Variants in ST3GAL3 observed in about 807,000 individuals in gnomAD.
ST3GAL3 encodes the protein ST3 beta-galactoside alpha-2,3-sialyltransferase 3, also known as CMP-N-acetylneuraminate-beta-1,4-galactoside alpha-2,3-sialyltransferase.
ST3GAL3 carries 21 observed loss-of-function variants against 50.1 expected under a neutral mutation model. The ratio of observed to expected loss-of-function variants is 0.42; its 90% CI spans 0.30 to 0.60. The LOEUF is 0.60. ST3GAL3 is among the 20% of genes least tolerant of loss of function. The pLI, the probability that ST3GAL3 is intolerant of heterozygous loss-of-function variation, is 0.19. For synonymous variants in ST3GAL3, 183 were observed against 190.0 expected (o/e 0.96, Z 0.30); for missense variants, 353 against 489.4 (o/e 0.72, Z 2.63).
intron 9 of ST3GAL3, among the ~76,000 whole-genome samples, chr1:43,917,537 A>G (rs1436507793): frequency 2.3e-4 from 20 of 87,928 alleles, no homozygotes; most frequent in African/African-American, 9.0e-4. Flanking sequence ...ATTATATAAT[A>G]TATTATGTAT....
chr1:43,831,940 G>A (rs1361046056), intron 4 of ST3GAL3: 1 of 152,216 alleles, frequency 6.6e-6, no homozygotes, highest in Non-Finnish European at 1.5e-5. Context: ...GTAGAGGATT[G>A]TTGTAAAGCT....
At chr1:43,727,752 T>C (rs1343647034) in intron 1 of ST3GAL3, among the ~76,000 whole-genome samples, 1 of 152,202 alleles carries the variant, frequency 6.6e-6, no homozygotes, top group East Asian at 1.9e-4. Context: ...TCCCCAAACT[T>C]CACATTGTTC....
intron 2 of ST3GAL3, among the ~76,000 whole-genome samples, chr1:43,751,148 GTTT>G (rs1685908312): frequency 6.6e-6 from 1 of 152,104 alleles, no homozygotes; most frequent in Admixed American, 6.6e-5. Context: ...TATTCTCACT[GTTT>G]TTTAAAGAAA....
At chr1:43,910,648 G>T (rs1167638427) in intron 9 of ST3GAL3, among the ~76,000 whole-genome samples, 1 of 152,216 alleles carries the variant, frequency 6.6e-6, no homozygotes, top group Non-Finnish European at 1.5e-5. Flanking sequence ...GGGCCTAAGG[G>T]TACAGATGCC....
chr1:43,731,176 C>A (rs2154084096), intron 1 of ST3GAL3, among the ~76,000 whole-genome samples: 1 of 151,690 alleles, frequency 6.6e-6, no homozygotes, highest in East Asian at 2.0e-4. Flanking sequence ...GCTATACCAC[C>A]AGTACAGGCA....
In ST3GAL3 at chr1:43,769,177, A is replaced by G. The variant is rs573502770; in HGVS notation, c.119-22925A>G. ...ATTAAAAAGAAAAACATTTCAGTAG[A>G]TACAGAACAAGCATTTAATAAAATT... On this transcript the variant is annotated intron_variant, in intron 2 of 11. Coordinates refer to ENST00000347631, the MANE Select transcript of ST3GAL3 (RefSeq NM_006279.5). 1.2e-4 allele frequency among the ~76,000 whole-genome samples: 18 copies of G among 152,376 alleles called. No individual in the cohort carries two copies. In the East Asian group the frequency reaches 3.5e-3, roughly 29 times the overall value.
chr1:43,806,240 T>C (rs2059869971), intron 3 of ST3GAL3, among the ~76,000 whole-genome samples: 2 of 152,168 alleles, frequency 1.3e-5, no homozygotes, highest in African/African-American at 4.8e-5. Flanking sequence ...ATCTGTGAAA[T>C]TGAGCTTTAG....
intron 11 of ST3GAL3, among the ~76,000 whole-genome samples, chr1:43,921,232 T>G (rs76862143): frequency 0.023 from 3,504 of 152,272 alleles, 43 homozygotes; most frequent in Middle Eastern, 0.044. Flanking sequence ...AGTTCCTGCC[T>G]TCCCCCAGAG....
chr1:43,930,501 C>G lies in ST3GAL3; in HGVS notation c.*280C>G. On this transcript the variant is annotated 3_prime_UTR_variant, in exon 12 of 12. Coordinates refer to ENST00000347631, the MANE Select transcript of ST3GAL3 (RefSeq NM_006279.5). ...GGTGGTGGGACACTGGGCAGCAAGG[C>G]TGCTGCCGGAATCACTTCTCCAATC... 3 of 554,402 alleles carry G rather than the reference C, an allele frequency of 5.4e-6. No homozygotes were observed. Among genetic ancestry groups the G allele is most frequent in the Non-Finnish European group, 9.7e-6 (3 of 307,826 alleles). The allele number at this position is 554,402 out of a possible 1,614,324, so 34.3% of individuals were successfully genotyped here.
At chr1:43,803,301 G>T (rs76020584) in intron 3 of ST3GAL3, among the ~76,000 whole-genome samples, 2 of 151,724 alleles carry the variant, frequency 1.3e-5, no homozygotes, top group African/African-American at 4.8e-5. Flanking sequence ...CCAGTTACTC[G>T]GGCTGAGGTG....
At chr1:43,898,526 A>G in intron 7 of ST3GAL3, 1 of 614,220 alleles carries the variant, frequency 1.6e-6, no homozygotes, top group Admixed American at 2.2e-5. Context: ...CTCAGATACC[A>G]GAGGTTTGAG....
At chr1:43,879,807 C>T (rs1006388615) in intron 5 of ST3GAL3, among the ~76,000 whole-genome samples, 3 of 152,208 alleles carry the variant, frequency 2.0e-5, no homozygotes, top group African/African-American at 4.8e-5. Context: ...CGTGACCCTG[C>T]GTATCACTGG....
intron 2 of ST3GAL3, among the ~76,000 whole-genome samples, chr1:43,779,003 C>T (rs1476103566): frequency 1.3e-5 from 2 of 149,272 alleles, no homozygotes; most frequent in Non-Finnish European, 3.0e-5. Flanking sequence ...AGTGCAATGG[C>T]GTGATCTCGG....
At chr1:43,863,564 C>T (rs569158745) in intron 5 of ST3GAL3, among the ~76,000 whole-genome samples, 1 of 152,204 alleles carries the variant, frequency 6.6e-6, no homozygotes, top group Admixed American at 6.5e-5. Context: ...AAGCTTCAGA[C>T]CAAGGGTGAG....
intron 5 of ST3GAL3, among the ~76,000 whole-genome samples, chr1:43,859,137 G>A (rs1051546427): frequency 3.9e-5 from 6 of 152,190 alleles, no homozygotes; most frequent in African/African-American, 1.2e-4. Context: ...CGTGGCCTCT[G>A]TTCTCAGGAG....
chr1:43,848,635 GTT>G (rs1337861138), intron 5 of ST3GAL3, among the ~76,000 whole-genome samples: 2 of 152,018 alleles, frequency 1.3e-5, no homozygotes, highest in Non-Finnish European at 2.9e-5. Flanking sequence ...TTGGCTTGGA[GTT>G]TATTTAACTC....
chr1:43,761,226 T>A (rs1230164467), intron 2 of ST3GAL3, among the ~76,000 whole-genome samples: 1 of 152,206 alleles, frequency 6.6e-6, no homozygotes, highest in East Asian at 1.9e-4. Context: ...TAAGATTTAA[T>A]AGTCACAAGC....
rs191054206 is a variant in ST3GAL3 at position 43,745,325 on chromosome 1, A to G, written c.118+8945A>G. 2.6e-5 allele frequency among the ~76,000 whole-genome samples: 4 copies of G among 152,370 alleles called. No homozygotes were observed. In the East Asian group the frequency reaches 7.7e-4, roughly 29 times the overall value. ...AAATGTAATTTTACTGTACAAGGTT[A>G]TATTTGTGAAAAAAGAAGTAAGTGG... On this transcript the variant is annotated intron_variant, in intron 2 of 11. Transcript: ENST00000347631.
At chr1:43,909,767 G>A (rs966317723) in intron 9 of ST3GAL3, among the ~76,000 whole-genome samples, 3 of 152,162 alleles carry the variant, frequency 2.0e-5, no homozygotes, top group Admixed American at 6.5e-5. Context: ...CATATGGCAG[G>A]CAAAGGGTTA....
Sources: gnomAD v4.1 joint callset for allele counts (sites outside exome capture counted in the v4.1 genomes callset) on GRCh38, gnomAD v4.1.1 for gene constraint, MANE v1.5 for transcripts, NCBI Gene and HGNC (gene_info 2026-07-23, HGNC 2026-07-21) for gene names.